The following BICRA variants were observed in gnomAD, a reference collection of about 807,000 sequenced individuals.
The protein encoded by BICRA is BRD4-interacting chromatin-remodeling complex-associated protein.
A neutral mutation model predicts 96.9 loss-of-function variants in BICRA; 31 were observed. The ratio of observed to expected loss-of-function variants is 0.32; its 90% CI spans 0.24 to 0.43. BICRA has a LOEUF of 0.43. Ranked by LOEUF, BICRA falls within the 20% of genes least tolerant of loss-of-function variation. The pLI is 1.00. For missense variants in BICRA, 2,283 were observed against 2,190.3 expected (o/e 1.04, Z -0.84); for synonymous variants, 1,350 against 1,071.8 (o/e 1.26, Z -5.07).
At chr19:47,694,791 G>C in intron 8 of BICRA, 65 bp downstream of exon 8, 1 of 1,115,474 alleles carries the variant, frequency 9.0e-7, no homozygotes, top group South Asian at 1.5e-5. Flanking sequence ...CAGTCTGATG[G>C]GAGCCCCTCC....
rs779334149 is a variant in BICRA, at chr19:47,680,727, C to T, written c.1557C>T (p.Asn519=). 1 of 1,603,886 alleles carries T rather than the reference C, an allele frequency of 6.2e-7. No individual in the cohort carries two copies. Among genetic ancestry groups the T allele is most frequent in the Non-Finnish European group, 8.5e-7 (1 of 1,176,068 alleles). ...CGAACCCCATCCTCACAAACCAGAA[C>T]CTGGCGGGCCCACTGAGCCTGGGCC... The part of the protein sequence containing the change: ...LIANPILTNQ[N]LAGPLSLGPV... The change falls in exon 6 of 15, where the codon AAC becomes AAT. Residue 519 remains asparagine, a synonymous_variant. Transcript: ENST00000594866.
chr19:47,661,289 A>C (rs2974201), intron 1 of BICRA, among the ~76,000 whole-genome samples: 1 of 150,478 alleles, frequency 6.6e-6, no homozygotes, highest in African/African-American at 2.5e-5. Flanking sequence ...TGATGAAGTC[A>C]GAGGTGGCCG....
At chr19:47,617,570 G>A in intron 1 of BICRA, among the ~76,000 whole-genome samples, 1 of 151,674 alleles carries the variant, frequency 6.6e-6, no homozygotes, top group East Asian at 1.9e-4. Context: ...CACCATGTTG[G>A]CCAGGCTGGT....
At chr19:47,686,067 A>G (rs1424287608) in intron 7 of BICRA, among the ~76,000 whole-genome samples, 1 of 151,242 alleles carries the variant, frequency 6.6e-6, no homozygotes, top group Non-Finnish European at 1.5e-5. Flanking sequence ...AGTAGCTGGG[A>G]CTACAGGCGC....
chr19:47,655,725 G>A (rs1478661726), intron 1 of BICRA, among the ~76,000 whole-genome samples: 8 of 149,138 alleles, frequency 5.4e-5, no homozygotes, highest in Admixed American at 4.1e-4. Flanking sequence ...GCTTGGTGGC[G>A]GGCACCTGTA....
Position 47,694,472 on chromosome 19 carries a change from CCATCCT to C in BICRA, c.2643_2648del (p.Ser882_Ser883del). On this transcript the variant is annotated inframe_deletion, in exon 8 of 15. Coordinates refer to ENST00000594866, the MANE Select transcript of BICRA (RefSeq NM_001394372.1). ...GCTGCCCCCAGCCCCCCACCTCCCT[CCATCCT>C]CCACCTCCTCTGCTGTGGCCTCCTC... 4 of 1,332,078 alleles carry C rather than the reference CCATCCT, an allele frequency of 3.0e-6. No homozygotes were observed. Among genetic ancestry groups the C allele is most frequent in the Non-Finnish European group, 4.3e-6 (4 of 931,086 alleles). The allele number at this position is 1,332,078 out of a possible 1,614,324, so 82.5% of individuals were successfully genotyped here.
intron 7 of BICRA, among the ~76,000 whole-genome samples, chr19:47,682,653 A>G (rs1973083559): frequency 6.7e-6 from 1 of 150,352 alleles, no homozygotes; most frequent in Non-Finnish European, 1.5e-5. Context: ...TTGATCTTGG[A>G]GACCATTCTT....
chr19:47,655,501 G>A lies in BICRA; in HGVS notation c.-107-14942G>A, dbSNP rs577941009. ...GATCACACCACTGTACTCCAGCCTG[G>A]GCAACAAGAGCAAAACTCTGTCTCA... is the stretch of plus-strand genomic sequence containing the variant. On this transcript the variant is annotated intron_variant, in intron 1 of 14. Coordinates refer to ENST00000594866, the MANE Select transcript of BICRA (RefSeq NM_001394372.1). Among the ~76,000 whole-genome samples the A allele has an allele frequency of 3.5e-5, 5 of 141,568 alleles. No homozygotes were observed. The East Asian group carries it at 1.0e-3, about 28-fold the overall frequency. 92.9% of individuals were successfully genotyped at this position (141,568 alleles called of 152,430 possible).
In BICRA at chr19:47,694,939, GC is replaced by G. The variant is rs1417052176; in HGVS notation, c.2939del (p.Pro980LeufsTer66). On this transcript the variant is annotated frameshift_variant, in exon 9 of 15. Coordinates refer to ENST00000594866, the MANE Select transcript of BICRA (RefSeq NM_001394372.1). LOFTEE classifies it high-confidence loss of function. Reference protein sequence around the residue: ...GIILQNKAGGAPAAPQTSTSL... With the variant: ...GIILQNKAGGXPAAPQTSTSL... ...CATCCTCCAGAACAAGGCTGGGGGG[GC>G]CCCTGCCGCCCCGCAGACCTCCACC... The G allele has an allele frequency of 3.9e-6, 6 of 1,531,248 alleles. No homozygotes were observed. The highest frequency in any genetic ancestry group is 1.2e-5 in the South Asian group (1 of 80,030). 94.9% of individuals were successfully genotyped at this position (1,531,248 alleles called of 1,614,324 possible). A position where few individuals can be genotyped will look rare whatever the true frequency, so the allele number is the denominator to read the frequency against.
At chr19:47,634,450 G>A (rs764855537) in intron 1 of BICRA, among the ~76,000 whole-genome samples, 22 of 152,280 alleles carry the variant, frequency 1.4e-4, no homozygotes, top group Admixed American at 8.5e-4. Context: ...CAGAAAGAGT[G>A]CGCCAGAAGG....
intron 4 of BICRA, 113 bp downstream of exon 4, chr19:47,673,875 C>G: frequency 1.1e-6 from 1 of 939,766 alleles, no homozygotes. Context: ...CTTGTGGCTT[C>G]TAACGCCAGG....
At chr19:47,645,459 C>T (rs1342587357) in intron 1 of BICRA, among the ~76,000 whole-genome samples, 5 of 152,102 alleles carry the variant, frequency 3.3e-5, no homozygotes, top group Admixed American at 6.6e-5. Context: ...CTTGTTCTGG[C>T]AGGTGGTGCG....
intron 1 of BICRA, among the ~76,000 whole-genome samples, chr19:47,643,284 AC>A (rs1456093344): frequency 2.0e-5 from 3 of 152,354 alleles, no homozygotes; most frequent in African/African-American, 7.2e-5. Context: ...ATTCTTTTAA[AC>A]AGCCCTTTTT....
At chr19:47,695,339 G>C (rs1191896972) in intron 9 of BICRA, 26 bp from the exon 10 acceptor site, 3 of 655,280 alleles carry the variant, frequency 4.6e-6, no homozygotes, top group Non-Finnish European at 8.3e-6. Context: ...CGCAGGCCCT[G>C]TCTCCCCCAC....
At position 47,699,895 on chromosome 19, in the gene BICRA, C is replaced by T. The variant is rs919437221; in HGVS notation, c.3595+490C>T. ...TTCCAGAATATTCCCTTAGCCTTTG[C>T]CCACATTCCAACTCCAGGGCTTCCC... is the stretch of plus-strand genomic sequence containing the variant. On this transcript the variant is annotated intron_variant, in intron 14 of 14. Coordinates refer to ENST00000594866, the MANE Select transcript of BICRA (RefSeq NM_001394372.1). This position sits in a 1 kb window ranked among gnomAD's most constrained non-coding sequence, Gnocchi z 5.0. 8 of 158,152 alleles carry T rather than the reference C, an allele frequency of 5.1e-5. No individual in the cohort carries two copies. Among genetic ancestry groups the T allele is most frequent in the African/African-American group, 1.9e-4 (8 of 41,548 alleles). 9.8% of individuals were successfully genotyped at this position (158,152 alleles called of 1,614,324 possible).
intron 1 of BICRA, among the ~76,000 whole-genome samples, chr19:47,610,582 T>A (rs1247939830): frequency 6.8e-6 from 1 of 146,230 alleles, no homozygotes; most frequent in East Asian, 2.0e-4. Flanking sequence ...CCCAGGCCCA[T>A]GTCCTGACCA....
intron 1 of BICRA, among the ~76,000 whole-genome samples, chr19:47,646,448 T>TGC (rs1972460747): frequency 6.6e-6 from 1 of 150,958 alleles, no homozygotes; most frequent in South Asian, 2.1e-4. Flanking sequence ...GACACACGTG[T>TGC]GCGCGCACAC....
At chr19:47,665,635 G>A (rs1568563265) in intron 1 of BICRA, among the ~76,000 whole-genome samples, 1 of 152,096 alleles carries the variant, frequency 6.6e-6, no homozygotes, top group Non-Finnish European at 1.5e-5. Context: ...ATGTCTGGCT[G>A]GTTGTTTTGT....
In BICRA at chr19:47,682,155, A is replaced by G. The variant is rs1450045594; in HGVS notation, c.2283+3A>G. On this transcript the variant is annotated splice_donor_region_variant and intron_variant, in intron 7 of 14. Coordinates refer to ENST00000594866, the MANE Select transcript of BICRA (RefSeq NM_001394372.1). Reference sequence around the variant, plus strand: ...CTTCCCCGGCTCCGGCCCCCCAGGTAGAGGGACCCCAGCAGCCTGTGTCCG... The same window carrying G: ...CTTCCCCGGCTCCGGCCCCCCAGGTGGAGGGACCCCAGCAGCCTGTGTCCG... 2 of 1,385,904 alleles carry G rather than the reference A, an allele frequency of 1.4e-6. No individual in the cohort carries two copies. The highest frequency in any genetic ancestry group is 2.0e-6 in the Non-Finnish European group (2 of 1,014,328). The allele number at this position is 1,385,904 out of a possible 1,614,324, so 85.9% of individuals were successfully genotyped here.
Sources: allele counts gnomAD v4.1 joint callset (sites outside exome capture counted in the v4.1 genomes callset), GRCh38; gene constraint gnomAD v4.1.1; non-coding constraint Gnocchi (gnomAD v3.1); transcripts MANE v1.5; gene names NCBI Gene and HGNC (gene_info 2026-07-23, HGNC 2026-07-21).